MEIS2: variants seen among roughly 807,000 people sequenced by gnomAD.
MEIS2 encodes the protein homeobox protein Meis2.
In MEIS2, 9 loss-of-function variants were observed where a neutral mutation model predicts 58.6. The observed-to-expected ratio is 0.15, with a 90% CI of 0.09 to 0.27. MEIS2 has a LOEUF of 0.27. MEIS2 is among the 10% of genes least tolerant of loss of function. The probability of loss-of-function intolerance (pLI) is 1.00; values close to 1 mark genes in which losing one functional copy is unlikely to be tolerated. For synonymous variants in MEIS2, 221 were observed against 228.4 expected (o/e 0.97, Z 0.29); for missense variants, 427 against 635.0 (o/e 0.67, Z 3.52).
chr15:36,947,744 C>T (rs1397785406), intron 9 of MEIS2, among the ~76,000 whole-genome samples: 1 of 151,872 alleles, frequency 6.6e-6, no homozygotes, highest in Non-Finnish European at 1.5e-5. Context: ...ACACTCTGAT[C>T]CCCTCTGCTT....
At chr15:36,929,172 A>G (rs898465030) in intron 9 of MEIS2, among the ~76,000 whole-genome samples, 3 of 152,250 alleles carry the variant, frequency 2.0e-5, no homozygotes, top group South Asian at 2.1e-4. Flanking sequence ...TCAAATATTC[A>G]TATCAATATA....
chr15:36,892,536 A>C, intron 11 of MEIS2, 77 bp from the exon 12 acceptor site: 6 of 638,692 alleles, frequency 9.4e-6, no homozygotes, highest in East Asian at 4.9e-5. Flanking sequence ...AGATGAAAAG[A>C]AAAAAAAAAA....
At chr15:36,907,336 G>T (rs1220968830) in intron 9 of MEIS2, among the ~76,000 whole-genome samples, 2 of 152,118 alleles carry the variant, frequency 1.3e-5, no homozygotes, top group Non-Finnish European at 2.9e-5. Context: ...ACCCAAAATG[G>T]TGTGGAAACA....
chr15:36,900,621 A>T, intron 9 of MEIS2, among the ~76,000 whole-genome samples: 1 of 152,150 alleles, frequency 6.6e-6, no homozygotes, highest in East Asian at 1.9e-4. Context: ...AAACAAATAA[A>T]CCCAAGGTAG....
intron 7 of MEIS2, among the ~76,000 whole-genome samples, chr15:37,083,398 T>C (rs1302257081): frequency 6.6e-6 from 1 of 152,236 alleles, no homozygotes; most frequent in African/African-American, 2.4e-5. Flanking sequence ...AGAATGCTTA[T>C]AGTTGATATT....
At chr15:36,917,135 C>T (rs1483408347) in intron 9 of MEIS2, among the ~76,000 whole-genome samples, 1 of 152,194 alleles carries the variant, frequency 6.6e-6, no homozygotes, top group African/African-American at 2.4e-5. Flanking sequence ...CCAACAGCAA[C>T]CGGATCACAA....
At chr15:37,041,884 C>G (rs2141759729) in intron 7 of MEIS2, among the ~76,000 whole-genome samples, 1 of 152,080 alleles carries the variant, frequency 6.6e-6, no homozygotes, top group East Asian at 1.9e-4. Flanking sequence ...GTCATAAAAA[C>G]TACCTAGGCA....
chr15:36,964,262 C>T (rs539467687), intron 8 of MEIS2, among the ~76,000 whole-genome samples: 17 of 152,264 alleles, frequency 1.1e-4, no homozygotes, highest in African/African-American at 3.4e-4. Flanking sequence ...TTCTGTGTTC[C>T]GTTCATTGCT....
At chr15:36,983,500 CTA>C (rs1218389982) in intron 8 of MEIS2, among the ~76,000 whole-genome samples, 2 of 151,898 alleles carry the variant, frequency 1.3e-5, no homozygotes, top group African/African-American at 4.8e-5. Flanking sequence ...TTTCATTAGT[CTA>C]TATGTCTGTT....
intron 9 of MEIS2, among the ~76,000 whole-genome samples, chr15:36,906,163 A>G (rs529538901): frequency 1.3e-5 from 2 of 152,336 alleles, no homozygotes; most frequent in African/African-American, 4.8e-5. Flanking sequence ...AAACATGGCT[A>G]TGATTAACAC....
intron 9 of MEIS2, among the ~76,000 whole-genome samples, chr15:36,934,174 G>A (rs2058081002): frequency 6.6e-6 from 1 of 152,002 alleles, no homozygotes; most frequent in Non-Finnish European, 1.5e-5. Flanking sequence ...TGCATGACTA[G>A]AGCCAGGAAG....
intron 8 of MEIS2, among the ~76,000 whole-genome samples, chr15:37,018,240 A>G (rs1048653495): frequency 6.6e-6 from 1 of 152,186 alleles, no homozygotes; most frequent in Non-Finnish European, 1.5e-5. Flanking sequence ...AATATTTTAC[A>G]TGTTAATCTT....
chr15:36,934,240 A>C (rs2058083188), intron 9 of MEIS2, among the ~76,000 whole-genome samples: 1 of 152,082 alleles, frequency 6.6e-6, no homozygotes, highest in Admixed American at 6.6e-5. Context: ...ATTGAAAAGG[A>C]GAGGAGAACA....
At chr15:37,010,509 A>T (rs550942017) in intron 8 of MEIS2, among the ~76,000 whole-genome samples, 1 of 152,032 alleles carries the variant, frequency 6.6e-6, no homozygotes. Context: ...AAGCCTCTGG[A>T]GTAACTGGGA....
chr15:37,027,874 C>T (rs953964325), intron 8 of MEIS2, among the ~76,000 whole-genome samples: 19 of 152,028 alleles, frequency 1.2e-4, no homozygotes, highest in African/African-American at 4.3e-4. Context: ...TGTATAGCCT[C>T]CCCATTATCA....
chr15:36,947,768 T>A (rs937423320), intron 9 of MEIS2, among the ~76,000 whole-genome samples: 1 of 151,970 alleles, frequency 6.6e-6, no homozygotes, highest in Admixed American at 6.6e-5. Flanking sequence ...GACTGAGCAC[T>A]CTCAGGGCCT....
intron 8 of MEIS2, among the ~76,000 whole-genome samples, chr15:36,975,748 T>A (rs1214767499): frequency 2.6e-5 from 4 of 152,108 alleles, no homozygotes; most frequent in Non-Finnish European, 4.4e-5. Flanking sequence ...GAGATGACAT[T>A]AAGAAAGCAA....
rs970704666 is a variant in MEIS2 at position 36,890,945 on chromosome 15, G to GA, written c.*1227dup. On this transcript the variant is annotated 3_prime_UTR_variant, in exon 12 of 12. Coordinates refer to ENST00000561208, the MANE Select transcript of MEIS2 (RefSeq NM_170675.5). ...TTAAAATATACTCAACTGCTGGGGG[G>GA]AAAAACCTACTTTTAACACTGTATA... 6.6e-5 allele frequency: 10 copies of GA among 152,424 alleles called. No individual in the cohort carries two copies. The highest frequency in any genetic ancestry group is 2.4e-4 in the African/African-American group (10 of 41,430). 9.4% of individuals were successfully genotyped at this position (152,424 alleles called of 1,614,324 possible).
intron 6 of MEIS2, 115 bp downstream of exon 6, chr15:37,093,466 A>G: frequency 3.1e-6 from 4 of 1,271,934 alleles, no homozygotes; most frequent in Non-Finnish European, 4.3e-6. Flanking sequence ...AGACCCCAAA[A>G]GAGACGGAGT....
Sources: gnomAD v4.1 joint callset for allele counts (sites outside exome capture counted in the v4.1 genomes callset) on GRCh38, gnomAD v4.1.1 for gene constraint, MANE v1.5 for transcripts, NCBI Gene and HGNC (gene_info 2026-07-23, HGNC 2026-07-21) for gene names.